Variants in RAP1GAP2 observed in about 807,000 individuals in gnomAD.
The protein encoded by RAP1GAP2 is rap1 GTPase-activating protein 2.
A neutral mutation model predicts 95.0 loss-of-function variants in RAP1GAP2; 27 were observed. That is an observed-to-expected ratio of 0.28 (90% CI 0.21 to 0.39). The LOEUF is 0.39. RAP1GAP2 is among the 10% of genes least tolerant of loss of function. The pLI is 1.00. For synonymous variants in RAP1GAP2, 373 were observed against 380.9 expected, an observed-to-expected ratio of 0.98 and a Z score of 0.24; for missense variants, 771 against 970.0, an observed-to-expected ratio of 0.79 and a Z score of 2.72.
At chr17:2,891,981 G>A (rs773635042) in intron 2 of RAP1GAP2, among the ~76,000 whole-genome samples, 1 of 151,408 alleles carries the variant, frequency 6.6e-6, no homozygotes, top group Non-Finnish European at 1.5e-5. Context: ...GTGCCACCAT[G>A]CCCGGCTAAT....
intron 2 of RAP1GAP2, chr17:2,853,971 G>A (rs2072012964): frequency 2.0e-6 from 2 of 983,732 alleles, no homozygotes; most frequent in African/African-American, 1.8e-5. Flanking sequence ...GGCGGGCGAG[G>A]TCGGGCACCG....
In RAP1GAP2 at chr17:2,816,010, C is replaced by T. The variant is rs79322816; in HGVS notation, c.80+15460C>T. On this transcript the variant is annotated intron_variant, in intron 2 of 24. Transcript: ENST00000254695. ...TGTGTGTACACAAGGCCCAGACAAG[C>T]GGGTTTTTATTTGATTCACACTCTG... Among the ~76,000 whole-genome samples, 1,351 of 151,776 alleles carry T rather than the reference C, an allele frequency of 8.9e-3. 18 individuals are homozygous for T. The highest frequency in any genetic ancestry group is 0.031 in the African/African-American group (1,290 of 41,528).
intron 1 of RAP1GAP2, among the ~76,000 whole-genome samples, chr17:2,787,539 A>G (rs1018319035): frequency 1.3e-5 from 2 of 151,960 alleles, no homozygotes; most frequent in African/African-American, 2.4e-5. Flanking sequence ...GACAGGTGTG[A>G]GTCACCACAC....
intron 3 of RAP1GAP2, among the ~76,000 whole-genome samples, chr17:2,918,453 A>AT (rs1409470273): frequency 2.7e-5 from 4 of 150,102 alleles, no homozygotes; most frequent in Non-Finnish European, 5.9e-5. Context: ...AAAAAAAAAA[A>AT]GAAAGGTTTA....
chr17:2,927,303 G>A (rs920169792), intron 3 of RAP1GAP2, among the ~76,000 whole-genome samples: 20 of 152,026 alleles, frequency 1.3e-4, no homozygotes, highest in African/African-American at 2.2e-4. Context: ...ACAGGCACCC[G>A]CCACCGCGCC....
At chr17:2,996,131 G>A (rs963321894) in intron 13 of RAP1GAP2, among the ~76,000 whole-genome samples, 3 of 152,106 alleles carry the variant, frequency 2.0e-5, no homozygotes, top group Non-Finnish European at 4.4e-5. Context: ...TATTGCGTGA[G>A]AATCCTTCCC....
At chr17:3,006,477 A>G (rs1175957332) in intron 16 of RAP1GAP2, among the ~76,000 whole-genome samples, 4 of 133,186 alleles carry the variant, frequency 3.0e-5, no homozygotes, top group South Asian at 4.8e-4. Context: ...TCTGTCACCC[A>G]GGCTGGAGTG....
At chr17:3,011,683 G>A (rs1489828208) in intron 17 of RAP1GAP2, among the ~76,000 whole-genome samples, 1 of 145,096 alleles carries the variant, frequency 6.9e-6, no homozygotes, top group Admixed American at 7.1e-5. Flanking sequence ...GCAGTGGTGC[G>A]ACCTCGGCTC....
intron 1 of RAP1GAP2, among the ~76,000 whole-genome samples, chr17:2,761,809 G>T (rs377559134): frequency 5.3e-5 from 8 of 152,060 alleles, no homozygotes; most frequent in Non-Finnish European, 1.0e-4. Context: ...AGCTGTGTAC[G>T]AAGGTTCCGG....
Position 2,826,835 on chromosome 17 carries a change from G to A in RAP1GAP2, c.80+26285G>A, listed in dbSNP as rs564406277. Among the ~76,000 whole-genome samples the A allele has an allele frequency of 2.7e-3, 411 of 152,154 alleles. 2 individuals carry two copies. The highest frequency in any genetic ancestry group is 0.017 in the Middle Eastern group (5 of 294). On this transcript the variant is annotated intron_variant, in intron 2 of 24. Transcript: ENST00000254695. ...ATCCTGGCCAACATGGCGAAACCCC[G>A]TCTCTACTAAAAATATAAAAATTAG...
Position 2,905,067 on chromosome 17 carries a change from G to T in RAP1GAP2, c.81-217G>T, listed in dbSNP as rs551830962. Among the ~76,000 whole-genome samples the T allele has an allele frequency of 3.9e-5, 6 of 152,272 alleles. No homozygotes were observed. The South Asian group carries it at 1.2e-3, about 32-fold the overall frequency. On this transcript the variant is annotated intron_variant, in intron 2 of 24. Transcript: ENST00000254695. ...CAGCTAATTTTTTGTATTTTTAGTA[G>T]AGATGGGGTTTCACCATGTTGGTCA...
In RAP1GAP2 at chr17:2,963,735, G is replaced by T; in HGVS notation, c.280-121G>T. The T allele has an allele frequency of 1.1e-6, 1 of 937,182 alleles. No individual in the cohort carries two copies. The highest frequency in any genetic ancestry group is 2.8e-5 in the Admixed American group (1 of 36,298). The allele number at this position is 937,182 out of a possible 1,614,324, so 58.1% of individuals were successfully genotyped here. A position where few individuals can be genotyped will look rare whatever the true frequency, so the allele number is the denominator to read the frequency against. ...GGAGGGGTTCATGTCACTGCCTTTG[G>T]CCTCAAGTACCAGTGGGTACCAGGC... On this transcript the variant is annotated intron_variant, in intron 6 of 24. Transcript: ENST00000254695. This position sits in a 1 kb window ranked among gnomAD's most constrained non-coding sequence, Gnocchi z 4.8.
chr17:2,757,091 A>G (rs777947015), intron 1 of RAP1GAP2, among the ~76,000 whole-genome samples: 7 of 152,188 alleles, frequency 4.6e-5, no homozygotes, highest in Non-Finnish European at 7.3e-5. Flanking sequence ...CAATAGAGAA[A>G]CCAGATAAAA....
chr17:2,789,168 T>C (rs1030566521), intron 1 of RAP1GAP2, among the ~76,000 whole-genome samples: 1 of 152,030 alleles, frequency 6.6e-6, no homozygotes, highest in African/African-American at 2.4e-5. Context: ...CACCTCAGCC[T>C]CCCAAGTAGC....
chr17:2,921,899 C>T (rs1009078775), intron 3 of RAP1GAP2, among the ~76,000 whole-genome samples: 4 of 152,228 alleles, frequency 2.6e-5, no homozygotes, highest in African/African-American at 9.6e-5. Flanking sequence ...CCCTCCTCTT[C>T]TCCCTGGGGG....
intron 2 of RAP1GAP2, among the ~76,000 whole-genome samples, chr17:2,895,499 T>A (rs1226481204): frequency 6.6e-6 from 1 of 152,172 alleles, no homozygotes; most frequent in Non-Finnish European, 1.5e-5. Flanking sequence ...TGGATTGTGG[T>A]ATTAAATAAG....
chr17:2,846,186 T>C (rs1408824012), intron 2 of RAP1GAP2, among the ~76,000 whole-genome samples: 4 of 148,374 alleles, frequency 2.7e-5, no homozygotes, highest in Non-Finnish European at 6.0e-5. Context: ...CTGTCTCAAT[T>C]GAAAAAAAAA....
At chr17:2,977,770 AAAG>A (rs2045190427) in intron 8 of RAP1GAP2, among the ~76,000 whole-genome samples, 1 of 151,202 alleles carries the variant, frequency 6.6e-6, no homozygotes, top group Non-Finnish European at 1.5e-5. Context: ...AAAAAAAAAA[AAAG>A]ATGAGAAGCA....
intron 2 of RAP1GAP2, among the ~76,000 whole-genome samples, chr17:2,771,211 G>A (rs1369020465): frequency 6.7e-6 from 1 of 149,476 alleles, no homozygotes; most frequent in African/African-American, 2.6e-5. Context: ...GGAGCCAGCC[G>A]TGCCTTCTTT....
Sources: allele counts gnomAD v4.1 joint callset (sites outside exome capture counted in the v4.1 genomes callset), GRCh38; gene constraint gnomAD v4.1.1; non-coding constraint Gnocchi (gnomAD v3.1); transcripts MANE v1.5; gene names NCBI Gene and HGNC (gene_info 2026-07-23, HGNC 2026-07-21).